Variants in CNTNAP2 observed in about 807,000 individuals in gnomAD.
CNTNAP2 encodes contactin associated protein 2.
A neutral mutation model predicts 155.2 loss-of-function variants in CNTNAP2; 98 were observed. That is an observed-to-expected ratio of 0.63 (90% CI 0.54 to 0.75). The LOEUF (loss-of-function observed/expected upper bound fraction) is 0.75. Among genes scored for constraint, CNTNAP2 ranks in the 30% least tolerant of loss-of-function variants. The pLI is 0.00. For missense variants in CNTNAP2, 1,727 were observed against 1,688.1 expected, an observed-to-expected ratio of 1.02 and a Z score of -0.40; for synonymous variants, 651 against 631.2, an observed-to-expected ratio of 1.03 and a Z score of -0.47.
intron 8 of CNTNAP2, among the ~76,000 whole-genome samples, chr7:147,292,769 CTGTT>C (rs142720201): frequency 0.27 from 41,213 of 151,682 alleles, 5,842 homozygotes; most frequent in Middle Eastern, 0.34. Context: ...GTGGTCATTT[CTGTT>C]TGTTTGTTTA....
intron 10 of CNTNAP2, among the ~76,000 whole-genome samples, chr7:147,416,315 C>A (rs11764370): frequency 6.6e-6 from 1 of 152,172 alleles, no homozygotes; most frequent in African/African-American, 2.4e-5. Flanking sequence ...GGACTGAAGA[C>A]AAAGTGGAGA....
Position 146,699,642 on chromosome 7 carries a change from T to A in CNTNAP2, c.98-74629T>A, listed in dbSNP as rs181719666. On this transcript the variant is annotated intron_variant, in intron 1 of 23. Transcript: ENST00000361727. ...CTCAGTCCATTGGGCTGTAGTAAAC[T>A]AGTTTTCTTTGAGGGTAGGCCTTTG... Among the ~76,000 whole-genome samples, 136 of 152,208 alleles carry A rather than the reference T, an allele frequency of 8.9e-4. 1 individual carries two copies. Among genetic ancestry groups the A allele is most frequent in the African/African-American group, 3.2e-3 (132 of 41,556 alleles).
chr7:147,691,817 C>T (rs1002720451), intron 13 of CNTNAP2, among the ~76,000 whole-genome samples: 1 of 152,130 alleles, frequency 6.6e-6, no homozygotes, highest in Non-Finnish European at 1.5e-5. Flanking sequence ...CAACATCCCA[C>T]ACCAGAGTGG....
intron 21 of CNTNAP2, among the ~76,000 whole-genome samples, chr7:148,309,799 G>A (rs1205604790): frequency 6.6e-6 from 1 of 152,156 alleles, no homozygotes; most frequent in African/African-American, 2.4e-5. Context: ...GGATATGATG[G>A]CTTAGCCTTG....
rs113126272 is a variant in CNTNAP2 at position 147,593,591 on chromosome 7, G to A, written c.1897+31334G>A. ...TCAGTTGTAAAATATCAATTTTAGA[G>A]GACCTATCATGTAAAGAGGTGTTAG... On this transcript the variant is annotated intron_variant, in intron 12 of 23. Coordinates refer to ENST00000361727, the MANE Select transcript of CNTNAP2 (RefSeq NM_014141.6). Among the ~76,000 whole-genome samples the A allele has an allele frequency of 9.2e-5, 14 of 152,152 alleles. 1 individual carries two copies. Among genetic ancestry groups the A allele is most frequent in the African/African-American group, 3.4e-4 (14 of 41,490 alleles).
intron 20 of CNTNAP2, among the ~76,000 whole-genome samples, chr7:148,243,349 C>A (rs774348231): frequency 2.0e-5 from 3 of 152,212 alleles, no homozygotes; most frequent in Non-Finnish European, 2.9e-5. Flanking sequence ...CTCTGAGAAC[C>A]TGTCCTGCTA....
intron 18 of CNTNAP2, among the ~76,000 whole-genome samples, chr7:148,201,027 C>T (rs1249014207): frequency 6.6e-6 from 1 of 152,206 alleles, no homozygotes; most frequent in Non-Finnish European, 1.5e-5. Flanking sequence ...CAAGTCCTTG[C>T]ACCAACAGAG....
intron 12 of CNTNAP2, among the ~76,000 whole-genome samples, chr7:147,593,840 T>G (rs1398707993): frequency 6.6e-6 from 1 of 152,156 alleles, no homozygotes; most frequent in Non-Finnish European, 1.5e-5. Context: ...TTAAAGACTG[T>G]TAAAGGAGGA....
chr7:146,131,858 G>C (rs551212919), intron 1 of CNTNAP2, among the ~76,000 whole-genome samples: 206 of 152,166 alleles, frequency 1.4e-3, no homozygotes, highest in Non-Finnish European at 2.4e-3. Context: ...TGCTGTTCTC[G>C]TGATAGTGAG....
chr7:146,898,143 C>T (rs941966990), intron 3 of CNTNAP2, among the ~76,000 whole-genome samples: 1 of 151,956 alleles, frequency 6.6e-6, no homozygotes, highest in Non-Finnish European at 1.5e-5. Flanking sequence ...AAGTTAACTA[C>T]AAACAGTATA....
intron 1 of CNTNAP2, among the ~76,000 whole-genome samples, chr7:146,274,493 C>T (rs957921823): frequency 1.3e-5 from 2 of 152,132 alleles, no homozygotes; most frequent in African/African-American, 2.4e-5. Context: ...GGCATAGCTA[C>T]CCCGGGGCAG....
At chr7:146,526,444 T>C (rs1178361422) in intron 1 of CNTNAP2, among the ~76,000 whole-genome samples, 1 of 152,090 alleles carries the variant, frequency 6.6e-6, no homozygotes, top group Non-Finnish European at 1.5e-5. Context: ...AGGGCAGATG[T>C]GTCACATGGC....
intron 1 of CNTNAP2, among the ~76,000 whole-genome samples, chr7:146,325,356 T>C (rs1801078902): frequency 6.6e-6 from 1 of 152,210 alleles, no homozygotes; most frequent in African/African-American, 2.4e-5. Flanking sequence ...AAAAAAGTCA[T>C]ATTTCTGACT....
intron 1 of CNTNAP2, among the ~76,000 whole-genome samples, chr7:146,770,021 C>T (rs1237572263): frequency 1.3e-5 from 2 of 152,132 alleles, no homozygotes; most frequent in Non-Finnish European, 2.9e-5. Flanking sequence ...GGTTCATTGA[C>T]ATATTCAGGG....
At chr7:147,371,166 T>A (rs1796332391) in intron 9 of CNTNAP2, among the ~76,000 whole-genome samples, 1 of 152,174 alleles carries the variant, frequency 6.6e-6, no homozygotes, top group Non-Finnish European at 1.5e-5. Flanking sequence ...AAGATTCATA[T>A]CTGAAGTTAA....
intron 4 of CNTNAP2, among the ~76,000 whole-genome samples, chr7:147,059,470 T>C (rs1215104758): frequency 6.6e-6 from 1 of 151,766 alleles, no homozygotes; most frequent in Non-Finnish European, 1.5e-5. Flanking sequence ...AAAGATACTC[T>C]TGACTGTGAT....
At chr7:147,511,618 T>C (rs535516055) in intron 11 of CNTNAP2, among the ~76,000 whole-genome samples, 1 of 152,154 alleles carries the variant, frequency 6.6e-6, no homozygotes, top group African/African-American at 2.4e-5. Flanking sequence ...TCTTTTACAT[T>C]TATCAGCAAG....
chr7:147,108,166 T>C lies in CNTNAP2; in HGVS notation c.570T>C (p.Phe190=). The part of the protein sequence containing the change: ...GCSYWADVIN[F]DGHVVLPYRF... ...TTTTAGGGGCTGATGTTATCAACTTTGATGGCCATGTTGTATTACCATATA... is the reference window on the plus strand; with the variant it reads ...TTTTAGGGGCTGATGTTATCAACTTCGATGGCCATGTTGTATTACCATATA... Residue 190 remains phenylalanine, a synonymous_variant, in exon 5 of 24, where the codon TTT becomes TTC. Transcript: ENST00000361727. 6.2e-7 allele frequency: 1 copy of C among 1,613,588 alleles called. No individual in the cohort carries two copies. Among genetic ancestry groups the C allele is most frequent in the South Asian group, 1.1e-5 (1 of 91,066 alleles).
chr7:148,003,754 T>C (rs1011289971), intron 15 of CNTNAP2, among the ~76,000 whole-genome samples: 3 of 152,248 alleles, frequency 2.0e-5, no homozygotes, highest in Admixed American at 1.3e-4. Context: ...ATTTATCCTC[T>C]TGTTTGATTA....
Sources: gnomAD v4.1 joint callset for allele counts (sites outside exome capture counted in the v4.1 genomes callset) on GRCh38, gnomAD v4.1.1 for gene constraint, MANE v1.5 for transcripts, NCBI Gene and HGNC (gene_info 2026-07-23, HGNC 2026-07-21) for gene names.